Variants in TAF5L observed in about 807,000 individuals in gnomAD.
The protein encoded by TAF5L is TATA-box binding protein associated factor 5 like, also known as TAF5-like RNA polymerase II p300/CBP-associated factor-associated factor 65 kDa subunit 5L.
In TAF5L, 7 loss-of-function variants were observed where a neutral mutation model predicts 51.3. The observed-to-expected ratio is 0.14, with a 90% CI of 0.08 to 0.26. The LOEUF is 0.26. TAF5L is among the 10% of genes least tolerant of loss of function. The pLI is 1.00. For missense variants in TAF5L, 575 were observed against 758.9 expected, an observed-to-expected ratio of 0.76 and a Z score of 2.85; for synonymous variants, 291 against 308.1, an observed-to-expected ratio of 0.94 and a Z score of 0.58.
At chr1:229,614,557 C>A (rs201055963) in intron 1 of TAF5L, 72 bp from the exon 2 acceptor site, 5 of 1,575,962 alleles carry the variant, frequency 3.2e-6, no homozygotes, top group Non-Finnish European at 2.6e-6. Context: ...ACTGCACCAT[C>A]GCAGATGGGT....
intron 4 of TAF5L, chr1:229,599,358 A>G: frequency 6.6e-6 from 2 of 301,652 alleles, no homozygotes; most frequent in Non-Finnish European, 9.8e-6. Context: ...GTACATTCAC[A>G]GAGTTGTGCA....
chr1:229,620,378 T>C (rs1665160026), intron 1 of TAF5L, among the ~76,000 whole-genome samples: 1 of 152,208 alleles, frequency 6.6e-6, no homozygotes. Flanking sequence ...ACTTCTCAAC[T>C]GGACTATTCC....
At chr1:229,611,642 A>G (rs1664795292) in intron 2 of TAF5L, among the ~76,000 whole-genome samples, 1 of 152,132 alleles carries the variant, frequency 6.6e-6, no homozygotes, top group Non-Finnish European at 1.5e-5. Flanking sequence ...ACAGATTCCT[A>G]AAATATATCC....
exon 2 of TAF5L, chr1:229,614,376 G>A (rs1308187283): frequency 6.2e-7 from 1 of 1,614,106 alleles, no homozygotes; most frequent in African/African-American, 1.3e-5. Context: ...AGCAGTCTGT[G>A]ACAGCCGCAG....
chr1:229,601,458 C>T (rs1664369137), intron 4 of TAF5L: 2 of 985,320 alleles, frequency 2.0e-6, no homozygotes, highest in Non-Finnish European at 2.4e-6. Flanking sequence ...TTTCTATCTT[C>T]CTTGGCCCAC....
intron 4 of TAF5L, among the ~76,000 whole-genome samples, chr1:229,597,575 T>A (rs1336274523): frequency 6.6e-6 from 1 of 152,236 alleles, no homozygotes; most frequent in African/African-American, 2.4e-5. Flanking sequence ...GCAGCTGATT[T>A]ACAAGGGCCC....
At chr1:229,611,614 ACT>A (rs1345799793) in intron 2 of TAF5L, among the ~76,000 whole-genome samples, 5 of 151,862 alleles carry the variant, frequency 3.3e-5, no homozygotes, top group Non-Finnish European at 5.9e-5. Flanking sequence ...CCGCTTAGTT[ACT>A]CTGTCACTAA....
rs1329242299 is a variant in TAF5L, at chr1:229,616,500, C to G, written c.-3-2015G>C. On this transcript the variant is annotated intron_variant, in intron 1 of 4. Transcript: ENST00000258281. Reference sequence around the variant, plus strand: ...GGATTACAGGCATGAGCTACCATGCCTGGTCTTATTTTTCTTTAAACATAA... The same window carrying G: ...GGATTACAGGCATGAGCTACCATGCGTGGTCTTATTTTTCTTTAAACATAA... Among the ~76,000 whole-genome samples the G allele has an allele frequency of 3.3e-5, 5 of 151,954 alleles. No individual in the cohort carries two copies. In the East Asian group the frequency reaches 9.6e-4, roughly 29 times the overall value.
intron 2 of TAF5L, among the ~76,000 whole-genome samples, chr1:229,611,321 G>A (rs1424113694): frequency 6.6e-6 from 1 of 152,146 alleles, no homozygotes; most frequent in African/African-American, 2.4e-5. Flanking sequence ...GTTTACAAGA[G>A]GAGTGGGGAA....
chr1:229,606,949 G>T, intron 3 of TAF5L: 2 of 985,334 alleles, frequency 2.0e-6, no homozygotes, highest in Non-Finnish European at 2.4e-6. Context: ...ATCTTCCTTT[G>T]AGATTTTATC....
At chr1:229,610,061 ACT>A in intron 3 of TAF5L, 43 bp downstream of exon 3, 2 of 1,577,072 alleles carry the variant, frequency 1.3e-6, no homozygotes, top group Non-Finnish European at 1.7e-6. Context: ...GGTCTGTATT[ACT>A]CTGTTTTCTT....
chr1:229,600,763 G>C (rs1664344458), intron 4 of TAF5L: 3 of 985,398 alleles, frequency 3.0e-6, no homozygotes, highest in Non-Finnish European at 3.6e-6. Context: ...ACAAGCCACA[G>C]AGCTAGTTAC....
rs1665415056 is a variant in TAF5L, at chr1:229,625,518, G to A, written c.-4+367C>T. ...GCTGTGGAGCCGTGCTCCCTGCTTG[G>A]CTGTCGGGCACTGGGATACCTTCCC... is the stretch of plus-strand genomic sequence containing the variant. On this transcript the variant is annotated intron_variant, in intron 1 of 4. Coordinates refer to ENST00000258281, the Ensembl canonical transcript of TAF5L. This position sits in a 1 kb window ranked among gnomAD's most constrained non-coding sequence, Gnocchi z 4.0. 6.6e-6 allele frequency among the ~76,000 whole-genome samples: 1 copy of A among 152,076 alleles called. No individual in the cohort carries two copies. The highest frequency in any genetic ancestry group is 1.5e-5 in the Non-Finnish European group (1 of 67,994).
chr1:229,616,391 A>T (rs1665007159), intron 1 of TAF5L, among the ~76,000 whole-genome samples: 1 of 106,346 alleles, frequency 9.4e-6, no homozygotes, highest in Non-Finnish European at 2.2e-5. Flanking sequence ...TTTTTAGTAG[A>T]GAAGGGGTTT....
intron 4 of TAF5L, chr1:229,601,530 T>C (rs1664372167): frequency 2.6e-5 from 26 of 985,458 alleles, no homozygotes; most frequent in Non-Finnish European, 3.0e-5. Flanking sequence ...CCCTTTTCAA[T>C]GACTGTCCTA....
At chr1:229,601,652 A>C in intron 4 of TAF5L, 1 of 987,134 alleles carries the variant, frequency 1.0e-6, no homozygotes, top group Non-Finnish European at 1.2e-6. Flanking sequence ...CCCGGGGTAC[A>C]TGGAGCCACA....
rs190993597 is a variant in TAF5L, at chr1:229,602,957, A to T, written c.248-38T>A. 2.0e-6 allele frequency: 3 copies of T among 1,537,542 alleles called. No homozygotes were observed. Among genetic ancestry groups the T allele is most frequent in the Non-Finnish European group, 2.6e-6 (3 of 1,153,174 alleles). On this transcript the variant is annotated intron_variant, in intron 3 of 4. Transcript: ENST00000258281. This position sits in a 1 kb window ranked among gnomAD's most constrained non-coding sequence, Gnocchi z 4.6. ...AAAAAGAAGGCTTTATAATCAGCAT[A>T]ATCTTACAGAATAACGTGATCCCTC...
intron 1 of TAF5L, among the ~76,000 whole-genome samples, chr1:229,622,021 CTATCTATCTATCT>C (rs1048759695): frequency 5.0e-3 from 15 of 3,010 alleles, no homozygotes; most frequent in African/African-American, 7.9e-3. Flanking sequence ...TCATCATCAT[CTATCTATCTATCT>C]ATCTATCTAT....
intron 2 of TAF5L, chr1:229,614,092 C>A (rs1664885332): frequency 1.5e-6 from 1 of 652,056 alleles, no homozygotes; most frequent in Non-Finnish European, 2.7e-6. Context: ...ACTGAGAAGT[C>A]CTGAGGAAGG....
Sources: gnomAD v4.1 joint callset for allele counts (sites outside exome capture counted in the v4.1 genomes callset) on GRCh38, gnomAD v4.1.1 for gene constraint, Gnocchi (gnomAD v3.1) non-coding constraint, MANE v1.5 for transcripts, NCBI Gene and HGNC (gene_info 2026-07-23, HGNC 2026-07-21) for gene names.